Variants in EMCN observed in about 807,000 individuals in gnomAD.
EMCN encodes the protein endomucin, also known as MUC-14.
A neutral mutation model predicts 38.4 loss-of-function variants in EMCN; 37 were observed. The observed-to-expected ratio is 0.96, with a 90% CI of 0.74 to 1.27. EMCN has a LOEUF of 1.27. EMCN is among the 50% of genes most tolerant of loss of function. The pLI is 0.00. For missense variants in EMCN, 318 were observed against 302.8 expected (o/e 1.05, Z -0.37); for synonymous variants, 95 against 100.8 (o/e 0.94, Z 0.35).
At chr4:100,400,359 T>C (rs12500309) in intron 11 of EMCN, among the ~76,000 whole-genome samples, 1 of 147,146 alleles carries the variant, frequency 6.8e-6, no homozygotes, top group Non-Finnish European at 1.5e-5. Flanking sequence ...CCACATTTTT[T>C]TTTTTTGTTT....
chr4:100,510,850 C>T (rs1729608487), intron 1 of EMCN, among the ~76,000 whole-genome samples: 1 of 152,142 alleles, frequency 6.6e-6, no homozygotes, highest in Non-Finnish European at 1.5e-5. Context: ...TTCTTTCCTT[C>T]TTCTCCAAGT....
Position 100,463,459 on chromosome 4 carries a change from A to C in EMCN, c.376+1964T>G, listed in dbSNP as rs1358690187. Among the ~76,000 whole-genome samples, 4 of 152,112 alleles carry C rather than the reference A, an allele frequency of 2.6e-5. No homozygotes were observed. In the East Asian group the frequency reaches 5.8e-4, roughly 22 times the overall value. The stretch of plus-strand genomic sequence containing the variant: ...GAAAATTTGATTGGCTAAGCTCATC[A>C]TTTTCTTTCCTTCTGTTTTTCAACA... On this transcript the variant is annotated intron_variant, in intron 4 of 11. Transcript: ENST00000296420.
Position 100,475,085 on chromosome 4 carries a change from TTAAG to T in EMCN, c.208_211del (p.Leu70LysfsTer4). The T allele has an allele frequency of 6.5e-7, 1 of 1,534,468 alleles. No individual in the cohort carries two copies. Among genetic ancestry groups the T allele is most frequent in the Non-Finnish European group, 8.9e-7 (1 of 1,126,492 alleles). ...AGTAGCTGTTGACATCAGAGACATT[TTAAG>T]TAATTCATTGGTGATTGTTCCTAGT... On this transcript the variant is annotated frameshift_variant, in exon 3 of 12. Transcript: ENST00000296420. LOFTEE classifies it high-confidence loss of function.
In EMCN at chr4:100,422,822, C is replaced by CTT. The variant is rs71878999; in HGVS notation, c.568+197_568+198dup. On this transcript the variant is annotated intron_variant, in intron 7 of 11. Transcript: ENST00000296420. ...TTTTCTTTCTTTCTTTCTTTCTTTT[C>CTT]TTTTTTTTTTTTTTTGTCATTAAGA... Among the ~76,000 whole-genome samples, 5 of 122,670 alleles carry CTT rather than the reference C, an allele frequency of 4.1e-5. No individual in the cohort carries two copies. The South Asian group carries it at 7.6e-4, about 19-fold the overall frequency. 80.5% of individuals were successfully genotyped at this position (122,670 alleles called of 152,430 possible).
chr4:100,406,673 T>C (rs962847806), intron 11 of EMCN, among the ~76,000 whole-genome samples: 1 of 152,156 alleles, frequency 6.6e-6, no homozygotes, highest in African/African-American at 2.4e-5. Flanking sequence ...TTAGAGTATG[T>C]GTCATGCATG....
At chr4:100,441,108 A>G (rs1727503849) in intron 5 of EMCN, among the ~76,000 whole-genome samples, 1 of 151,920 alleles carries the variant, frequency 6.6e-6, no homozygotes, top group South Asian at 2.1e-4. Context: ...AAAGTGGGGT[A>G]TTAAAGTCCT....
At chr4:100,438,942 T>C (rs1180871764) in intron 5 of EMCN, among the ~76,000 whole-genome samples, 1 of 152,094 alleles carries the variant, frequency 6.6e-6, no homozygotes, top group African/African-American at 2.4e-5. Flanking sequence ...TCCCACTTGG[T>C]CACAATATAT....
intron 1 of EMCN, among the ~76,000 whole-genome samples, chr4:100,499,306 G>A (rs1475035521): frequency 2.0e-5 from 3 of 152,056 alleles, no homozygotes; most frequent in East Asian, 1.9e-4. Flanking sequence ...TAGAACTAAC[G>A]TATGTAAAAG....
At chr4:100,513,526 G>A (rs557793148) in intron 1 of EMCN, among the ~76,000 whole-genome samples, 1 of 152,182 alleles carries the variant, frequency 6.6e-6, no homozygotes, top group South Asian at 2.1e-4. Flanking sequence ...TTAACTATAG[G>A]AATGTATCAC....
chr4:100,488,095 CTGTG>C (rs1728986366), intron 1 of EMCN, among the ~76,000 whole-genome samples: 1 of 152,140 alleles, frequency 6.6e-6, no homozygotes, highest in Non-Finnish European at 1.5e-5. Context: ...AACTGTGTAA[CTGTG>C]TGAGCCACTT....
At chr4:100,406,229 A>C (rs1371730885) in intron 11 of EMCN, among the ~76,000 whole-genome samples, 1 of 151,764 alleles carries the variant, frequency 6.6e-6, no homozygotes, top group Non-Finnish European at 1.5e-5. Context: ...TATCATCTCC[A>C]TGTCACTCAA....
rs931287314 is a variant in EMCN at position 100,410,243 on chromosome 4, A to G, written c.*39+39T>C. 4 of 1,335,988 alleles carry G rather than the reference A, an allele frequency of 3.0e-6. No homozygotes were observed. In the Admixed American group the frequency reaches 6.7e-5, roughly 22 times the overall value. 82.8% of individuals were successfully genotyped at this position (1,335,988 alleles called of 1,614,324 possible). A position where few individuals can be genotyped will look rare whatever the true frequency, so the allele number is the denominator to read the frequency against. On this transcript the variant is annotated intron_variant, in intron 11 of 11. Transcript: ENST00000296420. ...GCTGCACCAGGCTAACAAAACAGAT[A>G]TTAATGATTGTCTCCGTGAATGAAA...
intron 2 of EMCN, among the ~76,000 whole-genome samples, chr4:100,477,314 A>G (rs1728688298): frequency 6.6e-6 from 1 of 152,214 alleles, no homozygotes; most frequent in East Asian, 1.9e-4. Flanking sequence ...ATTTTATGAT[A>G]GGGATATTCA....
chr4:100,438,539 GA>G (rs1310736315), intron 5 of EMCN, among the ~76,000 whole-genome samples: 1 of 151,786 alleles, frequency 6.6e-6, no homozygotes, highest in Non-Finnish European at 1.5e-5. Context: ...TGCAAGTGGA[GA>G]TTTTTTTTTC....
chr4:100,447,391 T>G, intron 5 of EMCN, 142 bp downstream of exon 5: 1 of 636,916 alleles, frequency 1.6e-6, no homozygotes, highest in Non-Finnish European at 2.7e-6. Flanking sequence ...AAACTCAAGT[T>G]TTTCTAAACA....
intron 5 of EMCN, among the ~76,000 whole-genome samples, chr4:100,431,851 G>A (rs376230412): frequency 5.3e-5 from 8 of 151,052 alleles, no homozygotes; most frequent in African/African-American, 1.9e-4. Flanking sequence ...ACAACCTATT[G>A]GTTCTGTTTG....
chr4:100,434,088 T>C (rs888840792), intron 5 of EMCN, among the ~76,000 whole-genome samples: 25 of 152,048 alleles, frequency 1.6e-4, no homozygotes, highest in African/African-American at 5.8e-4. Flanking sequence ...ATCCAGGAGT[T>C]GGCTTTTTGA....
intron 1 of EMCN, among the ~76,000 whole-genome samples, chr4:100,492,653 G>A (rs756232091): frequency 7.2e-5 from 11 of 151,748 alleles, no homozygotes; most frequent in Admixed American, 1.3e-4. Context: ...AATTCAGAAA[G>A]CAACAATAGA....
intron 2 of EMCN, among the ~76,000 whole-genome samples, chr4:100,477,714 GTAAA>G (rs1331960642): frequency 7.9e-5 from 12 of 152,220 alleles, no homozygotes; most frequent in Non-Finnish European, 1.5e-4. Flanking sequence ...TGTTTTTTTG[GTAAA>G]TACTTTCATC....
Sources: gnomAD v4.1 joint callset for allele counts (sites outside exome capture counted in the v4.1 genomes callset) on GRCh38, gnomAD v4.1.1 for gene constraint, MANE v1.5 for transcripts, NCBI Gene and HGNC (gene_info 2026-07-23, HGNC 2026-07-21) for gene names.